The following NOS1 variants were observed in gnomAD, a reference collection of about 807,000 sequenced individuals.
NOS1 encodes NOS type I.
Under a neutral mutation model 164.5 loss-of-function variants are expected in NOS1, and 51 were observed. The observed-to-expected ratio is 0.31, with a 90% CI of 0.25 to 0.39. The LOEUF (loss-of-function observed/expected upper bound fraction) is 0.39. Among genes scored for constraint, NOS1 ranks in the 10% least tolerant of loss-of-function variants. The pLI is 1.00. For synonymous variants in NOS1, 719 were observed against 745.8 expected (o/e 0.96, Z 0.59); for missense variants, 1,362 against 1,885.6 (o/e 0.72, Z 5.14).
At chr12:117,250,984 GT>G (rs1448294819) in intron 17 of NOS1, among the ~76,000 whole-genome samples, 1 of 152,180 alleles carries the variant, frequency 6.6e-6, no homozygotes, top group African/African-American at 2.4e-5. Flanking sequence ...TGGTCTGAAT[GT>G]TTGTGTCTCC....
chr12:117,244,874 AT>A, intron 18 of NOS1, among the ~76,000 whole-genome samples: 1 of 152,250 alleles, frequency 6.6e-6, no homozygotes, highest in East Asian at 1.9e-4. Flanking sequence ...CAGGAAGTAG[AT>A]TTGTGGTTTC....
intron 16 of NOS1, chr12:117,256,174 G>C: frequency 2.3e-6 from 1 of 441,516 alleles, no homozygotes; most frequent in Non-Finnish European, 4.0e-6. Flanking sequence ...GTTGGGCGTA[G>C]AACGAGGGCT....
chr12:117,260,460 C>T lies in NOS1; in HGVS notation c.2367+5G>A. ...CTGGTGGAGCTAGGGCTACCCCCCA[C>T]CTACCTTGGCATCAAAGGCGTGTTT... On this transcript the variant is annotated splice_donor_5th_base_variant and intron_variant, in intron 14 of 28. Transcript: ENST00000317775. The T allele has an allele frequency of 6.2e-7, 1 of 1,613,138 alleles. No homozygotes were observed. Among genetic ancestry groups the T allele is most frequent in the Non-Finnish European group, 8.5e-7 (1 of 1,179,142 alleles).
chr12:117,260,787 C>T (rs41362246), intron 13 of NOS1, among the ~76,000 whole-genome samples, 178 bp from the exon 14 acceptor site: 1 of 151,196 alleles, frequency 6.6e-6, no homozygotes, highest in Non-Finnish European at 1.5e-5. Context: ...GTTTAAGCAC[C>T]GTATTATTAA....
chr12:117,354,188 C>A (rs905705998), intron 1 of NOS1, among the ~76,000 whole-genome samples: 4 of 151,424 alleles, frequency 2.6e-5, no homozygotes, highest in African/African-American at 9.8e-5. Flanking sequence ...AAATCCTACA[C>A]CTTGCCGGCA....
At chr12:117,263,812 G>T in intron 13 of NOS1, 77 bp downstream of exon 13, 1 of 1,108,446 alleles carries the variant, frequency 9.0e-7, no homozygotes, top group Non-Finnish European at 1.4e-6. Flanking sequence ...GGGCACAGGA[G>T]TCTGCCCAGC....
intron 1 of NOS1, among the ~76,000 whole-genome samples, chr12:117,345,037 T>C (rs1395676627): frequency 1.5e-5 from 1 of 65,532 alleles, no homozygotes; most frequent in Non-Finnish European, 3.7e-5. Context: ...CTTGCTTTTT[T>C]TTTTTTTTTT....
In NOS1 at chr12:117,330,956, C is replaced by G; in HGVS notation, c.114G>C (p.Lys38Asn). ...LGFLVKERVS[K>N]PPVIISDLIR... ...TCAGGTCAGAGATGATCACGGGCGGCTTACTGACCCGCTCCTTCACCAGAA... is the reference window on the plus strand; with the variant it reads ...TCAGGTCAGAGATGATCACGGGCGGGTTACTGACCCGCTCCTTCACCAGAA... Residue 38 changes from lysine (K) to asparagine (N), a missense_variant, in exon 2 of 29, where the codon AAG becomes AAC. Lys to Asn is a moderately conservative substitution (Grantham distance 94, BLOSUM62 0). This residue lies in a region of NOS1 where 362 missense variants were observed against 402.0 expected (regional missense o/e 0.90). Transcript: ENST00000317775. This position sits in a 1 kb window ranked among gnomAD's most constrained non-coding sequence, Gnocchi z 4.6. 6.2e-7 allele frequency: 1 copy of G among 1,614,178 alleles called. No individual in the cohort carries two copies.
At chr12:117,295,927 T>C (rs1873388224) in intron 3 of NOS1, among the ~76,000 whole-genome samples, 1 of 152,052 alleles carries the variant, frequency 6.6e-6, no homozygotes, top group South Asian at 2.1e-4. Flanking sequence ...CTGTGCCGGC[T>C]GTGATCATTC....
chr12:117,306,232 C>T (rs1874139522), intron 3 of NOS1, among the ~76,000 whole-genome samples: 1 of 152,182 alleles, frequency 6.6e-6, no homozygotes, highest in Admixed American at 6.5e-5. Context: ...GCTCGGCACA[C>T]TTACTTCACC....
chr12:117,303,009 G>A (rs539493006), intron 3 of NOS1, among the ~76,000 whole-genome samples: 94 of 152,312 alleles, frequency 6.2e-4, no homozygotes, highest in Admixed American at 1.2e-3. Context: ...GCCTCCCAAA[G>A]TGTCGGGATT....
At chr12:117,340,733 A>G (rs1593036440) in intron 1 of NOS1, among the ~76,000 whole-genome samples, 1 of 150,558 alleles carries the variant, frequency 6.6e-6, no homozygotes, top group East Asian at 1.9e-4. Flanking sequence ...TATTATTTTT[A>G]TTCTTTTTTG....
rs1336574303 is a variant in NOS1 at position 117,209,714 on chromosome 12, G to A, written c.*5595C>T. On this transcript the variant is annotated 3_prime_UTR_variant, in exon 29 of 29. Coordinates refer to ENST00000317775, the MANE Select transcript of NOS1 (RefSeq NM_000620.5). ...AGGAAACAGACTCTCGACAGACACTGCTTTCCACGGGTGAAAGTGTACCTG... is the reference window on the plus strand; with the variant it reads ...AGGAAACAGACTCTCGACAGACACTACTTTCCACGGGTGAAAGTGTACCTG... 1 of 985,384 alleles carries A rather than the reference G, an allele frequency of 1.0e-6. No individual in the cohort carries two copies. The highest frequency in any genetic ancestry group is 1.7e-5 in the African/African-American group (1 of 57,264). 61.0% of individuals were successfully genotyped at this position (985,384 alleles called of 1,614,324 possible).
intron 11 of NOS1, among the ~76,000 whole-genome samples, chr12:117,267,413 C>T (rs971473637): frequency 4.6e-5 from 7 of 152,096 alleles, no homozygotes; most frequent in African/African-American, 1.7e-4. Context: ...ATGGTGAAAC[C>T]CCACCTCTAC....
intron 10 of NOS1, among the ~76,000 whole-genome samples, chr12:117,268,592 T>TC (rs1872587679): frequency 6.8e-6 from 1 of 147,636 alleles, no homozygotes; most frequent in Non-Finnish European, 1.5e-5. Context: ...TCATTCAATT[T>TC]TTTTTTTTTT....
At chr12:117,265,226 G>T in intron 12 of NOS1, 90 bp downstream of exon 12, 1 of 1,210,776 alleles carries the variant, frequency 8.3e-7, no homozygotes, top group Non-Finnish European at 1.1e-6. Flanking sequence ...AGTGTCCAGA[G>T]CACTAGCCTG....
intron 3 of NOS1, among the ~76,000 whole-genome samples, chr12:117,293,866 C>A (rs1873226449): frequency 6.6e-6 from 1 of 152,064 alleles, no homozygotes; most frequent in African/African-American, 2.4e-5. Flanking sequence ...AGTTATTGTG[C>A]CCATGTTTCC....
intron 1 of NOS1, among the ~76,000 whole-genome samples, chr12:117,360,530 C>A (rs1344396597): frequency 6.6e-6 from 1 of 152,240 alleles, no homozygotes; most frequent in Non-Finnish European, 1.5e-5. Context: ...CGCTCTTACA[C>A]CCCAATCTCG....
intron 1 of NOS1, among the ~76,000 whole-genome samples, chr12:117,360,409 A>T (rs957300443): frequency 6.6e-6 from 1 of 152,164 alleles, no homozygotes; most frequent in Non-Finnish European, 1.5e-5. Flanking sequence ...AAGCAACCTC[A>T]TCGAGCGCTC....
Sources: gnomAD v4.1 joint callset for allele counts (sites outside exome capture counted in the v4.1 genomes callset) on GRCh38, gnomAD v4.1.1 for gene constraint, gnomAD v4.1.1 regional missense constraint, Gnocchi (gnomAD v3.1) non-coding constraint, MANE v1.5 for transcripts, NCBI Gene and HGNC (gene_info 2026-07-23, HGNC 2026-07-21) for gene names.